Variants in GMDS observed in about 807,000 individuals in gnomAD.
GMDS encodes the protein GDP-mannose 4,6-dehydratase.
Under a neutral mutation model 49.9 loss-of-function variants are expected in GMDS, and 20 were observed. The observed-to-expected ratio is 0.40, with a 90% CI of 0.28 to 0.58. The LOEUF is 0.58. Ranked by LOEUF, GMDS falls within the 20% of genes least tolerant of loss-of-function variation. GMDS has a pLI of 0.42. For missense variants in GMDS, 362 were observed against 481.4 expected (o/e 0.75, Z 2.32); for synonymous variants, 177 against 178.6 (o/e 0.99, Z 0.07).
rs1166300531 is a variant in GMDS at position 2,055,167 on chromosome 6, G to C, written c.345+60604C>G. On this transcript the variant is annotated intron_variant, in intron 4 of 10. Transcript: ENST00000380815. ...TAAAAACTACTGAATCTGAGGAATA[G>C]AGAGAAAATGTATCAAACAAAATGA... Among the ~76,000 whole-genome samples, 3 of 151,880 alleles carry C rather than the reference G, an allele frequency of 2.0e-5. No homozygotes were observed. The South Asian group carries it at 6.2e-4, about 32-fold the overall frequency.
chr6:2,146,988 A>C (rs1776588135), intron 1 of GMDS, among the ~76,000 whole-genome samples: 1 of 152,192 alleles, frequency 6.6e-6, no homozygotes, highest in Non-Finnish European at 1.5e-5. Context: ...GGTGCATCCC[A>C]AGGGTATGAA....
chr6:1,835,406 T>A (rs866621070), intron 7 of GMDS, among the ~76,000 whole-genome samples: 27 of 152,320 alleles, frequency 1.8e-4, no homozygotes, highest in Middle Eastern at 6.8e-3. Flanking sequence ...TGCTGGGAGA[T>A]CAGCAGCATT....
At chr6:1,957,650 C>A (rs980645503) in intron 6 of GMDS, among the ~76,000 whole-genome samples, 1 of 152,102 alleles carries the variant, frequency 6.6e-6, no homozygotes, top group Non-Finnish European at 1.5e-5. Context: ...TAGAGCAGAA[C>A]CCTCTTTGTA....
At chr6:1,661,172 A>G (rs1427026078) in intron 9 of GMDS, among the ~76,000 whole-genome samples, 1 of 152,134 alleles carries the variant, frequency 6.6e-6, no homozygotes, top group East Asian at 1.9e-4. Flanking sequence ...ACTGGCCTGA[A>G]GTCTGCGTAC....
chr6:1,802,195 C>T (rs960822691), intron 7 of GMDS, among the ~76,000 whole-genome samples: 5 of 152,154 alleles, frequency 3.3e-5, no homozygotes, highest in African/African-American at 4.8e-5. Flanking sequence ...AGGTACAAGT[C>T]TTCATTTGAG....
chr6:1,801,871 CTTG>C (rs1177054981), intron 7 of GMDS, among the ~76,000 whole-genome samples: 3 of 152,174 alleles, frequency 2.0e-5, no homozygotes, highest in Non-Finnish European at 4.4e-5. Flanking sequence ...TAATTTTTAG[CTTG>C]TTGAATTTTG....
intron 1 of GMDS, 93 bp from the exon 2 acceptor site, chr6:2,124,824 C>A: frequency 2.2e-6 from 2 of 902,298 alleles, no homozygotes; most frequent in Non-Finnish European, 3.6e-6. Context: ...ATTTAAAAGG[C>A]TACCTAACTT....
At chr6:1,901,551 A>G (rs1760505915) in intron 7 of GMDS, among the ~76,000 whole-genome samples, 1 of 152,216 alleles carries the variant, frequency 6.6e-6, no homozygotes, top group African/African-American at 2.4e-5. Flanking sequence ...TTTCCACAAA[A>G]TAAAAGGGAT....
intron 6 of GMDS, among the ~76,000 whole-genome samples, chr6:1,940,461 T>C (rs999190711): frequency 3.3e-5 from 5 of 152,232 alleles, no homozygotes; most frequent in Non-Finnish European, 7.3e-5. Context: ...CACCCCACTG[T>C]GAACTGCCTG....
chr6:2,033,661 A>T (rs1193567044), intron 4 of GMDS, among the ~76,000 whole-genome samples: 1 of 152,248 alleles, frequency 6.6e-6, no homozygotes, highest in Non-Finnish European at 1.5e-5. Context: ...TCAGGTGTTC[A>T]CCGCCATTGC....
Position 2,112,763 on chromosome 6 carries a change from C to T in GMDS, c.345+3008G>A, listed in dbSNP as rs186927541. ...TCCTCGCTGGCCTAACTGGCAAGGC[C>T]GGTGACTTTTCCTGGTCCTCATTCT... On this transcript the variant is annotated intron_variant, in intron 4 of 10. Transcript: ENST00000380815. 1.8e-4 allele frequency among the ~76,000 whole-genome samples: 27 copies of T among 152,246 alleles called. No individual in the cohort carries two copies. The East Asian group carries it at 3.9e-3, about 22-fold the overall frequency.
chr6:1,655,657 C>T (rs527633560), intron 9 of GMDS, among the ~76,000 whole-genome samples: 1 of 152,284 alleles, frequency 6.6e-6, no homozygotes, highest in East Asian at 1.9e-4. Flanking sequence ...GCGCCAGCCA[C>T]CACGCCTTGC....
intron 1 of GMDS, among the ~76,000 whole-genome samples, chr6:2,208,532 A>G (rs1779911802): frequency 6.6e-6 from 1 of 152,140 alleles, no homozygotes; most frequent in East Asian, 1.9e-4. Context: ...TGTACAGACA[A>G]TTTTCCCACA....
intron 4 of GMDS, among the ~76,000 whole-genome samples, chr6:1,978,788 C>A (rs1333518367): frequency 6.6e-6 from 1 of 152,114 alleles, no homozygotes; most frequent in Non-Finnish European, 1.5e-5. Flanking sequence ...TGATCTTGTT[C>A]CTCCTGAGTG....
intron 7 of GMDS, among the ~76,000 whole-genome samples, chr6:1,878,206 T>G (rs542227889): frequency 8.0e-5 from 12 of 150,538 alleles, no homozygotes; most frequent in South Asian, 2.1e-4. Flanking sequence ...TCCCAGCTAC[T>G]TGGGAGGCTG....
At chr6:1,633,551 G>C (rs1463354112) in intron 9 of GMDS, among the ~76,000 whole-genome samples, 1 of 152,170 alleles carries the variant, frequency 6.6e-6, no homozygotes, top group African/African-American at 2.4e-5. Flanking sequence ...GAGGGCGGGA[G>C]GGCACTCTGT....
At chr6:2,068,259 C>A (rs1414369753) in intron 4 of GMDS, among the ~76,000 whole-genome samples, 1 of 152,040 alleles carries the variant, frequency 6.6e-6, no homozygotes, top group East Asian at 1.9e-4. Flanking sequence ...ATTGATGGGA[C>A]GTATTTCAAA....
At chr6:2,054,335 C>T (rs906244613) in intron 4 of GMDS, among the ~76,000 whole-genome samples, 4 of 151,910 alleles carry the variant, frequency 2.6e-5, no homozygotes, top group South Asian at 2.1e-4. Flanking sequence ...ACAACAATAA[C>T]AAAACTAGCT....
rs1762906686 is a variant in GMDS, at chr6:1,628,427, C to T, written c.988-3887G>A. Reference sequence around the variant, plus strand: ...ACACATTTATTGCCTGGGATCCTCCCACCTCCATATCACTTTCTCTAAAAC... The same window carrying T: ...ACACATTTATTGCCTGGGATCCTCCTACCTCCATATCACTTTCTCTAAAAC... On this transcript the variant is annotated intron_variant, in intron 9 of 10. Coordinates refer to ENST00000380815, the MANE Select transcript of GMDS (RefSeq NM_001500.4). Among the ~76,000 whole-genome samples, 4 of 152,328 alleles carry T rather than the reference C, an allele frequency of 2.6e-5. 1 individual carries two copies. The South Asian group carries it at 8.3e-4, about 32-fold the overall frequency.
Sources: allele counts gnomAD v4.1 joint callset (sites outside exome capture counted in the v4.1 genomes callset), GRCh38; gene constraint gnomAD v4.1.1; transcripts MANE v1.5; gene names NCBI Gene and HGNC (gene_info 2026-07-23, HGNC 2026-07-21).